ATM: variants seen among roughly 807,000 people sequenced by gnomAD.
ATM encodes the protein ATM serine/threonine kinase.
Under a neutral mutation model 387.0 loss-of-function variants are expected in ATM, and 308 were observed. The ratio of observed to expected loss-of-function variants is 0.80; its 90% CI spans 0.73 to 0.87. The LOEUF (loss-of-function observed/expected upper bound fraction) is 0.87, where lower values mean the gene tolerates loss of function less well. Ranked by LOEUF, ATM falls within the 40% of genes least tolerant of loss-of-function variation. ATM has a pLI of 0.00. For missense variants in ATM, 3,312 were observed against 3,560.9 expected (o/e 0.93, Z 1.78); for synonymous variants, 1,156 against 1,187.3 (o/e 0.97, Z 0.54).
chr11:108,352,714 A>G (rs971877824), intron 59 of ATM, among the ~76,000 whole-genome samples: 4 of 152,256 alleles, frequency 2.6e-5, no homozygotes, highest in Non-Finnish European at 5.9e-5. Context: ...ATGCCCTGAA[A>G]TACTACTCAG....
intron 42 of ATM, among the ~76,000 whole-genome samples, chr11:108,316,753 C>CAAAA (rs58165074): frequency 9.7e-5 from 7 of 72,442 alleles, no homozygotes; most frequent in African/African-American, 2.8e-4. Context: ...ACTAAAAATA[C>CAAAA]AAAAAAAAAA....
At chr11:108,254,175 G>T in intron 13 of ATM, 136 bp downstream of exon 13, 1 of 739,214 alleles carries the variant, frequency 1.4e-6, no homozygotes, top group Non-Finnish European at 2.2e-6. Flanking sequence ...GCAGTAAAGG[G>T]CTCTAAATTG....
intron 52 of ATM, 92 bp from the exon 53 acceptor site, chr11:108,332,670 A>G: frequency 2.9e-6 from 4 of 1,360,964 alleles, no homozygotes; most frequent in Non-Finnish European, 4.1e-6. Context: ...AGATTTGTGC[A>G]TAAATTCTGT....
chr11:108,358,119 A>G (rs2090248585), intron 61 of ATM, among the ~76,000 whole-genome samples: 1 of 151,510 alleles, frequency 6.6e-6, no homozygotes, highest in South Asian at 2.1e-4. Context: ...TGGAGCTGAA[A>G]ATCAAGGCTC....
intron 54 of ATM, 81 bp downstream of exon 54, chr11:108,334,049 TAG>T: frequency 1.8e-6 from 2 of 1,132,174 alleles, no homozygotes; most frequent in Non-Finnish European, 2.6e-6. Context: ...TATTTTTATG[TAG>T]GTCAAAATTG....
intron 61 of ATM, among the ~76,000 whole-genome samples, chr11:108,356,761 G>A (rs1380271353): frequency 6.6e-6 from 1 of 152,102 alleles, no homozygotes; most frequent in East Asian, 1.9e-4. Flanking sequence ...ATGCCAAACT[G>A]CTTATGGACT....
intron 59 of ATM, among the ~76,000 whole-genome samples, chr11:108,349,884 T>C (rs906165679): frequency 6.6e-5 from 10 of 152,150 alleles, no homozygotes; most frequent in African/African-American, 2.4e-4. Context: ...GGCTTTAGAT[T>C]GGAGGCATGT....
intron 18 of ATM, among the ~76,000 whole-genome samples, chr11:108,270,684 TG>T (rs1453954885): frequency 1.3e-5 from 2 of 152,084 alleles, no homozygotes; most frequent in African/African-American, 4.8e-5. Context: ...TATGAATTTA[TG>T]TTTATATACT....
chr11:108,225,062 T>G (rs1177873844), intron 1 of ATM: 1 of 152,170 alleles, frequency 6.6e-6, no homozygotes, highest in Admixed American at 6.5e-5. Flanking sequence ...GAAAAAAAAG[T>G]CAAGTTTAGG....
chr11:108,362,100 A>G (rs1331777788), intron 61 of ATM, among the ~76,000 whole-genome samples: 4 of 138,642 alleles, frequency 2.9e-5, no homozygotes, highest in African/African-American at 8.2e-5. Context: ...ACAAATTTAC[A>G]AGAAAAAAAC....
At chr11:108,321,498 A>G (rs771809676) in intron 45 of ATM, 78 bp downstream of exon 45, 1 of 1,597,816 alleles carries the variant, frequency 6.3e-7, no homozygotes, top group Admixed American at 1.7e-5. Flanking sequence ...AATAAAAACT[A>G]TAGGCCGGGC....
Position 108,271,054 on chromosome 11 carries a change from A to G in ATM, c.2839-10A>G, listed in dbSNP as rs770032309. ...GATAAACCTGATTTTTTTCCCTCCT[A>G]CCATCTTAGTATCTAATGCTTTTAA... On this transcript the variant is annotated splice_polypyrimidine_tract_variant and intron_variant, in intron 18 of 62. Coordinates refer to ENST00000675843, the MANE Select transcript of ATM (RefSeq NM_000051.4). 1 of 1,610,608 alleles carries G rather than the reference A, an allele frequency of 6.2e-7. No homozygotes were observed. Among genetic ancestry groups the G allele is most frequent in the Admixed American group, 1.7e-5 (1 of 59,974 alleles).
At chr11:108,252,299 T>G (rs1177659573) in intron 11 of ATM, among the ~76,000 whole-genome samples, 1 of 152,236 alleles carries the variant, frequency 6.6e-6, no homozygotes, top group Non-Finnish European at 1.5e-5. Context: ...TATGTGTTCC[T>G]TTCTGATTTT....
At chr11:108,293,894 AATAT>A (rs1220002313) in intron 31 of ATM, among the ~76,000 whole-genome samples, 1,261 of 83,572 alleles carry the variant, frequency 0.015, 25 homozygotes, top group African/African-American at 0.044. Flanking sequence ...AAAAAAAAAA[AATAT>A]ATATATATAT....
intron 26 of ATM, among the ~76,000 whole-genome samples, chr11:108,285,201 C>T (rs577169787): frequency 1.3e-5 from 2 of 152,238 alleles, no homozygotes; most frequent in Admixed American, 1.3e-4. Context: ...CTCAGGTGAT[C>T]TTCCCACCTC....
chr11:108,306,142 T>C (rs1027995257), intron 37 of ATM, among the ~76,000 whole-genome samples: 6 of 152,234 alleles, frequency 3.9e-5, no homozygotes, highest in African/African-American at 1.4e-4. Flanking sequence ...TGCTATGCTT[T>C]ATATTTTATG....
chr11:108,347,695 G>A (rs947321655), intron 59 of ATM, among the ~76,000 whole-genome samples: 14 of 152,136 alleles, frequency 9.2e-5, no homozygotes, highest in African/African-American at 3.4e-4. Flanking sequence ...GATGTAGCAT[G>A]TTGTGGGAGT....
chr11:108,316,458 G>A (rs2084659271), intron 42 of ATM, among the ~76,000 whole-genome samples: 1 of 152,050 alleles, frequency 6.6e-6, no homozygotes, highest in Admixed American at 6.6e-5. Context: ...AAAATCTTAT[G>A]TAAACTATTT....
intron 58 of ATM, 46 bp from the exon 59 acceptor site, chr11:108,347,233 G>C (rs754017896): frequency 1.5e-6 from 2 of 1,362,906 alleles, no homozygotes; most frequent in East Asian, 4.6e-5. Flanking sequence ...ATATTAGAAA[G>C]AGATGGAATC....
Sources: allele counts gnomAD v4.1 joint callset (sites outside exome capture counted in the v4.1 genomes callset), GRCh38; gene constraint gnomAD v4.1.1; transcripts MANE v1.5; gene names NCBI Gene and HGNC (gene_info 2026-07-23, HGNC 2026-07-21).